Variants in NAALADL2 observed in about 807,000 individuals in gnomAD.
The protein encoded by NAALADL2 is inactive N-acetylated-alpha-linked acidic dipeptidase-like protein 2.
Under a neutral mutation model 87.2 loss-of-function variants are expected in NAALADL2, and 76 were observed. That is an observed-to-expected ratio of 0.87 (90% CI 0.72 to 1.05). The LOEUF is 1.05. NAALADL2 is among the 50% of genes least tolerant of loss of function. The pLI is 0.00. For synonymous variants in NAALADL2, 354 were observed against 331.0 expected, an observed-to-expected ratio of 1.07 and a Z score of -0.75; for missense variants, 1,089 against 945.8, an observed-to-expected ratio of 1.15 and a Z score of -1.99.
chr3:175,036,545 A>G (rs1473940211), intron 1 of NAALADL2, among the ~76,000 whole-genome samples: 1 of 151,798 alleles, frequency 6.6e-6, no homozygotes, highest in Non-Finnish European at 1.5e-5. Context: ...GACTACAGGC[A>G]CCTGCCACCA....
At position 175,241,095 on chromosome 3, in the gene NAALADL2, A is replaced by AT. The variant is rs1245251219; in HGVS notation, c.819+6899dup. Among the ~76,000 whole-genome samples the AT allele has an allele frequency of 5.9e-5, 9 of 152,098 alleles. No homozygotes were observed. The South Asian group carries it at 6.2e-4, about 11-fold the overall frequency. On this transcript the variant is annotated intron_variant, in intron 3 of 13. Transcript: ENST00000454872. ...ATGACTGTGAATGCAGCTGTTATTC[A>AT]TTTTTTTTAAATCTGCATACAGTCC...
At chr3:175,680,348 G>A (rs1048017747) in intron 11 of NAALADL2, among the ~76,000 whole-genome samples, 3 of 152,062 alleles carry the variant, frequency 2.0e-5, no homozygotes, top group African/African-American at 7.2e-5. Flanking sequence ...ACTTGTTCTA[G>A]CACTATGCTA....
chr3:175,259,407 T>C (rs959203267), intron 4 of NAALADL2, among the ~76,000 whole-genome samples: 2 of 152,212 alleles, frequency 1.3e-5, no homozygotes, highest in African/African-American at 4.8e-5. Context: ...AAATCAATTA[T>C]AGGACTTTTA....
At chr3:175,148,389 TTGTC>T (rs1370094101) in intron 2 of NAALADL2, among the ~76,000 whole-genome samples, 1 of 151,914 alleles carries the variant, frequency 6.6e-6, no homozygotes, top group African/African-American at 2.4e-5. Context: ...ATTAGGTAGG[TTGTC>T]TGTTGATTTT....
chr3:175,697,525 A>T (rs1233962251), intron 11 of NAALADL2, among the ~76,000 whole-genome samples: 2 of 151,606 alleles, frequency 1.3e-5, no homozygotes, highest in Non-Finnish European at 2.9e-5. Flanking sequence ...AACCCTACTT[A>T]TGAGGGTGTA....
chr3:174,953,146 T>A (rs1342029051), intron 1 of NAALADL2, among the ~76,000 whole-genome samples: 1 of 151,930 alleles, frequency 6.6e-6, no homozygotes, highest in Non-Finnish European at 1.5e-5. Flanking sequence ...TGTGCCCAAG[T>A]CATATGATTA....
intron 12 of NAALADL2, among the ~76,000 whole-genome samples, chr3:175,747,664 T>C (rs1315320409): frequency 1.3e-5 from 2 of 152,140 alleles, no homozygotes; most frequent in Admixed American, 6.5e-5. Flanking sequence ...TTCAGTTTCC[T>C]GGTTTAGCCA....
At chr3:175,494,622 C>T (rs997969136) in intron 9 of NAALADL2, among the ~76,000 whole-genome samples, 2 of 151,922 alleles carry the variant, frequency 1.3e-5, no homozygotes, top group African/African-American at 2.4e-5. Flanking sequence ...CATGCTTTTT[C>T]GTTATGAAAA....
rs892866731 is a variant in NAALADL2, at chr3:174,529,814, C to T, written c.-183-20755C>T. 2.0e-5 allele frequency among the ~76,000 whole-genome samples: 3 copies of T among 152,206 alleles called. No homozygotes were observed. The East Asian group carries it at 5.8e-4, about 30-fold the overall frequency. Reference sequence around the variant, plus strand: ...AGCCACGGCTAGAGCAGCAGGGACACGGCATCAAATCCCTAAACTGCACAC... The same window carrying T: ...AGCCACGGCTAGAGCAGCAGGGACATGGCATCAAATCCCTAAACTGCACAC... On this transcript the variant is annotated intron_variant, in intron 1 of 3. Transcript: ENST00000434257.
intron 2 of NAALADL2, among the ~76,000 whole-genome samples, chr3:174,574,487 A>G (rs1418768355): frequency 6.6e-6 from 1 of 152,098 alleles, no homozygotes; most frequent in Non-Finnish European, 1.5e-5. Context: ...ATGATATGTT[A>G]TATTTGATGT....
chr3:175,328,887 G>C (rs910933459), intron 5 of NAALADL2, among the ~76,000 whole-genome samples: 4 of 152,184 alleles, frequency 2.6e-5, no homozygotes, highest in African/African-American at 9.6e-5. Flanking sequence ...GTATCTTTAA[G>C]TAGTATTCCA....
At chr3:174,830,203 C>G (rs1722505646) in intron 3 of NAALADL2, among the ~76,000 whole-genome samples, 2 of 140,332 alleles carry the variant, frequency 1.4e-5, no homozygotes, top group African/African-American at 5.4e-5. Context: ...TGCCTATGTC[C>G]TGAATGGTAA....
chr3:174,578,197 A>G (rs1175672732), intron 2 of NAALADL2, among the ~76,000 whole-genome samples: 1 of 152,174 alleles, frequency 6.6e-6, no homozygotes, highest in East Asian at 1.9e-4. Flanking sequence ...GAGAGAAATA[A>G]TGGAGCAGAA....
intron 3 of NAALADL2, among the ~76,000 whole-genome samples, chr3:174,795,956 C>A (rs1718033933): frequency 2.0e-5 from 3 of 152,116 alleles, no homozygotes; most frequent in Admixed American, 2.0e-4. Flanking sequence ...CATTGTTTCC[C>A]CAAATTTCTA....
At chr3:174,478,807 G>A (rs1329138902) in intron 1 of NAALADL2, among the ~76,000 whole-genome samples, 1 of 152,060 alleles carries the variant, frequency 6.6e-6, no homozygotes, top group Admixed American at 6.6e-5. Context: ...TGCCTTCTCT[G>A]CTCAAGTGAT....
chr3:175,128,584 G>A (rs1463299160), intron 2 of NAALADL2, among the ~76,000 whole-genome samples: 1 of 152,028 alleles, frequency 6.6e-6, no homozygotes, highest in African/African-American at 2.4e-5. Flanking sequence ...TATTGTTTCA[G>A]TTCATTTGAA....
chr3:175,027,214 G>A (rs1390509081), intron 1 of NAALADL2, among the ~76,000 whole-genome samples: 1 of 152,042 alleles, frequency 6.6e-6, no homozygotes, highest in Non-Finnish European at 1.5e-5. Context: ...TCAGATCATA[G>A]CAGGTGCAGA....
intron 11 of NAALADL2, among the ~76,000 whole-genome samples, chr3:175,734,107 T>C (rs190535503): frequency 1.3e-5 from 2 of 152,300 alleles, no homozygotes; most frequent in Admixed American, 1.3e-4. Flanking sequence ...CGTGGCCCTC[T>C]TCTCACAGCT....
intron 2 of NAALADL2, among the ~76,000 whole-genome samples, chr3:175,186,299 T>C (rs1737329015): frequency 6.6e-6 from 1 of 152,082 alleles, no homozygotes; most frequent in African/African-American, 2.4e-5. Context: ...CAGCTGCAAC[T>C]TTGACCTTCA....
Sources: allele counts gnomAD v4.1 joint callset (sites outside exome capture counted in the v4.1 genomes callset), GRCh38; gene constraint gnomAD v4.1.1; transcripts MANE v1.5; gene names NCBI Gene and HGNC (gene_info 2026-07-23, HGNC 2026-07-21).